Variants in ARHGEF4 observed in about 807,000 individuals in gnomAD.
ARHGEF4 encodes the protein Rho guanine nucleotide exchange factor 4, also known as APC-stimulated guanine nucleotide exchange factor 1.
A neutral mutation model predicts 162.0 loss-of-function variants in ARHGEF4; 119 were observed. The observed-to-expected ratio is 0.73, with a 90% CI of 0.63 to 0.86. The LOEUF is 0.86. Among genes scored for constraint, ARHGEF4 ranks in the 40% least tolerant of loss-of-function variants. The pLI is 0.00. For missense variants in ARHGEF4, 2,488 were observed against 2,456.0 expected (o/e 1.01, Z -0.28); for synonymous variants, 1,014 against 979.9 (o/e 1.03, Z -0.65).
Position 130,916,212 on chromosome 2 carries a change from G to A in ARHGEF4, c.2266G>A (p.Glu756Lys), listed in dbSNP as rs1431479157. The change falls in exon 2 of 14, where the codon GAA (glutamate) becomes AAA (lysine). Residue 756 changes from glutamate (E) to lysine (K), a missense_variant. By Grantham distance (56) the Glu-to-Lys change is moderately conservative. Transcript: ENST00000409359. Reference sequence around the variant, plus strand: ...GGAGCGTGGCCCGGAGGAGGCCCCCGAAGGCGGTGCTGCAGCAGCCCGGGG... The same window carrying A: ...GGAGCGTGGCCCGGAGGAGGCCCCCAAAGGCGGTGCTGCAGCAGCCCGGGG... ...SGERGPEEAP[E>K]GGAAAARGQR... The A allele has an allele frequency of 9.1e-6, 14 of 1,546,338 alleles. No homozygotes were observed. Among genetic ancestry groups the A allele is most frequent in the Middle Eastern group, 2.2e-4 (1 of 4,542 alleles).
chr2:130,974,566 G>A (rs1161716515), intron 4 of ARHGEF4, among the ~76,000 whole-genome samples: 1 of 150,920 alleles, frequency 6.6e-6, no homozygotes, highest in African/African-American at 2.4e-5. Flanking sequence ...TCCCACCTCA[G>A]CCTCCTGAGT....
chr2:130,848,521 C>T (rs1681161387), intron 1 of ARHGEF4, among the ~76,000 whole-genome samples: 1 of 152,170 alleles, frequency 6.6e-6, no homozygotes, highest in Non-Finnish European at 1.5e-5. Context: ...GGAAGCCCTC[C>T]CCACATGGGT....
At chr2:131,011,248 C>T (rs965324314) in intron 4 of ARHGEF4, among the ~76,000 whole-genome samples, 1 of 152,168 alleles carries the variant, frequency 6.6e-6, no homozygotes, top group Non-Finnish European at 1.5e-5. Context: ...CACACCTGAC[C>T]TTTTCAGCCT....
intron 12 of ARHGEF4, 55 bp downstream of exon 12, chr2:131,044,597 C>CT (rs1486941572): frequency 2.0e-6 from 3 of 1,519,688 alleles, no homozygotes; most frequent in Non-Finnish European, 2.7e-6. Context: ...GGCGCTCCCG[C>CT]CTGCCTGGCC....
intron 4 of ARHGEF4, among the ~76,000 whole-genome samples, chr2:131,004,651 C>T (rs1282328667): frequency 6.6e-6 from 1 of 151,972 alleles, no homozygotes; most frequent in African/African-American, 2.4e-5. Context: ...GAGCGCCTGC[C>T]ATCCTCAGCC....
intron 3 of ARHGEF4, among the ~76,000 whole-genome samples, chr2:130,938,942 C>A (rs1055425796): frequency 1.3e-5 from 2 of 152,036 alleles, no homozygotes; most frequent in East Asian, 3.9e-4. Flanking sequence ...GGTACATGGG[C>A]AGGTTTGTTA....
chr2:130,955,595 T>C (rs937589111), intron 4 of ARHGEF4, among the ~76,000 whole-genome samples: 1 of 152,164 alleles, frequency 6.6e-6, no homozygotes, highest in Non-Finnish European at 1.5e-5. Context: ...CTCTTCTATA[T>C]TTCTCTGACC....
At chr2:130,843,764 T>C (rs1172125988) in intron 1 of ARHGEF4, among the ~76,000 whole-genome samples, 1 of 152,246 alleles carries the variant, frequency 6.6e-6, no homozygotes, top group Non-Finnish European at 1.5e-5. Flanking sequence ...CTGTCGGCTC[T>C]GAGGGCAGGG....
intron 1 of ARHGEF4, among the ~76,000 whole-genome samples, chr2:130,909,930 A>G (rs549546291): frequency 1.3e-5 from 2 of 152,330 alleles, no homozygotes; most frequent in South Asian, 4.1e-4. Flanking sequence ...TTCCCAGGAC[A>G]AAAAAAGAAG....
At chr2:130,999,160 C>G (rs555663301) in intron 4 of ARHGEF4, among the ~76,000 whole-genome samples, 53 of 135,950 alleles carry the variant, frequency 3.9e-4, no homozygotes, top group Non-Finnish European at 6.7e-4. Flanking sequence ...TTTGTTTTTT[C>G]TTTTTTTTTT....
chr2:130,846,197 T>C (rs1445351238), intron 1 of ARHGEF4, among the ~76,000 whole-genome samples: 1 of 152,208 alleles, frequency 6.6e-6, no homozygotes, highest in Non-Finnish European at 1.5e-5. Context: ...GGTTAGGCCT[T>C]CCTCGGCTGA....
At position 130,931,014 on chromosome 2, in the gene ARHGEF4, G is replaced by T. The variant is rs6718816; in HGVS notation, c.3615G>T (p.Ala1205=). The part of the protein sequence containing the change: ...EKPSCSHSQK[A]FHMEPAQKPC... ...CCAGTTGCTCTCACAGTCAGAAGGCGTTCCACATGGAGCCTGCCCAGAAGC... is the reference window on the plus strand; with the variant it reads ...CCAGTTGCTCTCACAGTCAGAAGGCTTTCCACATGGAGCCTGCCCAGAAGC... Residue 1205 remains alanine (A), a synonymous_variant, in exon 3 of 14, where the codon GCG becomes GCT. Transcript: ENST00000409359. The T allele has an allele frequency of 1.1e-5, 17 of 1,613,518 alleles. No individual in the cohort carries two copies. Among genetic ancestry groups the T allele is most frequent in the African/African-American group, 1.3e-5 (1 of 74,836 alleles).
At chr2:130,899,743 T>C (rs778293437) in intron 1 of ARHGEF4, among the ~76,000 whole-genome samples, 13 of 151,588 alleles carry the variant, frequency 8.6e-5, no homozygotes, top group Non-Finnish European at 1.8e-4. Flanking sequence ...GAAGCAGCAG[T>C]GGGACAGAGA....
At chr2:131,035,174 C>G (rs1348210068) in intron 5 of ARHGEF4, 2 of 1,220,988 alleles carry the variant, frequency 1.6e-6, no homozygotes, top group Admixed American at 4.3e-5. Flanking sequence ...AACCTGCCCC[C>G]CGGCGCCCAG....
chr2:130,873,432 T>A (rs899735986), intron 1 of ARHGEF4, among the ~76,000 whole-genome samples: 1 of 151,592 alleles, frequency 6.6e-6, no homozygotes, highest in African/African-American at 2.4e-5. Context: ...CTACTAAAAA[T>A]ACAAAAATTA....
intron 4 of ARHGEF4, among the ~76,000 whole-genome samples, chr2:130,961,340 G>T (rs1182209516): frequency 6.6e-6 from 1 of 152,208 alleles, no homozygotes; most frequent in Admixed American, 6.5e-5. Context: ...CCTCACTGAG[G>T]GGGGACATTC....
chr2:131,032,109 C>G (rs1016225040), intron 5 of ARHGEF4, among the ~76,000 whole-genome samples: 1 of 152,164 alleles, frequency 6.6e-6, no homozygotes, highest in East Asian at 1.9e-4. Flanking sequence ...TCTGCCCCAC[C>G]TCATGGAGTG....
intron 4 of ARHGEF4, among the ~76,000 whole-genome samples, chr2:131,008,323 T>A (rs1688255269): frequency 6.6e-6 from 1 of 152,176 alleles, no homozygotes; most frequent in South Asian, 2.1e-4. Context: ...AATAGAACAA[T>A]TGGATCAACA....
At chr2:131,035,019 G>A (rs953294413) in intron 5 of ARHGEF4, 9 of 986,890 alleles carry the variant, frequency 9.1e-6, no homozygotes, top group African/African-American at 1.8e-5. Flanking sequence ...GCCTCTCCCC[G>A]GGCGCTGCGG....
Sources: allele counts gnomAD v4.1 joint callset (sites outside exome capture counted in the v4.1 genomes callset), GRCh38; gene constraint gnomAD v4.1.1; transcripts MANE v1.5; gene names NCBI Gene and HGNC (gene_info 2026-07-23, HGNC 2026-07-21).